IGBP1C: variants seen among roughly 807,000 people sequenced by gnomAD.
The protein encoded by IGBP1C is IGBP1 family member C, also known as immunoglobulin-binding protein 1 family member C.
chr17:58,662,916 G>A, the IGBP1C span, among the ~76,000 whole-genome samples: 21,959 of 151,526 alleles, frequency 0.14, 2,464 homozygotes, highest in East Asian at 0.31. Context: ...TCAGGAGATC[G>A]AGACCATGGT....
chr17:58,685,757 T>G, the IGBP1C span, among the ~76,000 whole-genome samples: 1 of 151,090 alleles, frequency 6.6e-6, no homozygotes, highest in African/African-American at 2.4e-5. Flanking sequence ...TTTGGGAGGC[T>G]GAGGTGGGTG....
At chr17:58,664,792 A>G in the IGBP1C span, among the ~76,000 whole-genome samples, 3 of 152,236 alleles carry the variant, frequency 2.0e-5, no homozygotes, top group African/African-American at 7.2e-5. Flanking sequence ...ATTATTATAT[A>G]TGACATTTTC....
chr17:58,667,957 C>A, the IGBP1C span, among the ~76,000 whole-genome samples: 2 of 151,594 alleles, frequency 1.3e-5, no homozygotes, highest in Non-Finnish European at 1.5e-5. Flanking sequence ...GGCTTCTGAA[C>A]CTTCTCATAG....
the IGBP1C span, among the ~76,000 whole-genome samples, chr17:58,679,020 G>A: frequency 6.6e-6 from 1 of 151,894 alleles, no homozygotes; most frequent in Non-Finnish European, 1.5e-5. Context: ...AAGGCGTGGT[G>A]GCGTGTGCCT....
the IGBP1C span, among the ~76,000 whole-genome samples, chr17:58,678,089 G>T: frequency 1.1e-3 from 161 of 152,320 alleles, 1 homozygote; most frequent in African/African-American, 3.7e-3. Context: ...GGCAGAGGTT[G>T]CAGTGAGCAG....
the IGBP1C span, among the ~76,000 whole-genome samples, chr17:58,690,979 G>C: frequency 6.6e-6 from 1 of 152,208 alleles, no homozygotes; most frequent in Admixed American, 6.5e-5. Context: ...ACAGACTTCT[G>C]AGTAGCTGGG....
At chr17:58,683,842 G>A in the IGBP1C span, among the ~76,000 whole-genome samples, 2 of 151,450 alleles carry the variant, frequency 1.3e-5, no homozygotes, top group Non-Finnish European at 2.9e-5. Context: ...TGAGGCGGGC[G>A]GATCACAAGG....
the IGBP1C span, among the ~76,000 whole-genome samples, chr17:58,685,476 G>T: frequency 6.6e-6 from 1 of 151,292 alleles, no homozygotes; most frequent in Non-Finnish European, 1.5e-5. Flanking sequence ...CAGATAAATA[G>T]TAGTTAATTA....
At chr17:58,688,193 T>C in the IGBP1C span, among the ~76,000 whole-genome samples, 1 of 152,250 alleles carries the variant, frequency 6.6e-6, no homozygotes, top group African/African-American at 2.4e-5. Context: ...TAATATCGGC[T>C]CACTGCAATC....
the IGBP1C span, among the ~76,000 whole-genome samples, chr17:58,663,994 C>T: frequency 2.0e-4 from 31 of 152,326 alleles, no homozygotes; most frequent in African/African-American, 7.2e-4. Flanking sequence ...TGTTGTGCCA[C>T]TGCACTCCAG....
At chr17:58,666,573 A>G in the IGBP1C span, 1 of 151,958 alleles carries the variant, frequency 6.6e-6, no homozygotes, top group African/African-American at 2.4e-5. Flanking sequence ...CGCTACCACA[A>G]ATTATACACT....
the IGBP1C span, among the ~76,000 whole-genome samples, chr17:58,668,322 G>A: frequency 6.6e-6 from 1 of 152,154 alleles, no homozygotes; most frequent in Non-Finnish European, 1.5e-5. Flanking sequence ...TGATGGTCCT[G>A]AACAAAGTCA....
chr17:58,673,450 T>TC, the IGBP1C span, among the ~76,000 whole-genome samples: 1 of 150,302 alleles, frequency 6.7e-6, no homozygotes, highest in Non-Finnish European at 1.5e-5. Context: ...GCCACTGCAC[T>TC]CCAGCCTACA....
the IGBP1C span, among the ~76,000 whole-genome samples, chr17:58,678,266 G>A: frequency 6.6e-6 from 1 of 152,182 alleles, no homozygotes; most frequent in Non-Finnish European, 1.5e-5. Context: ...AGACAGTGTG[G>A]CGATTCCTCA....
At chr17:58,671,461 G>T in the IGBP1C span, among the ~76,000 whole-genome samples, 1 of 152,068 alleles carries the variant, frequency 6.6e-6, no homozygotes, top group Non-Finnish European at 1.5e-5. Context: ...CTTTCTCTTG[G>T]GGAGGGGGCA....
the IGBP1C span, among the ~76,000 whole-genome samples, chr17:58,678,740 G>A: frequency 3.3e-5 from 5 of 151,398 alleles, no homozygotes; most frequent in African/African-American, 1.2e-4. Context: ...GAGTTAATGG[G>A]TGCAGCAAAC....
chr17:58,691,379 G>T, the IGBP1C span, among the ~76,000 whole-genome samples: 4 of 151,672 alleles, frequency 2.6e-5, no homozygotes, highest in East Asian at 7.8e-4. Context: ...AAGAATCATT[G>T]CCAACAGGGC....
the IGBP1C span, among the ~76,000 whole-genome samples, chr17:58,672,266 C>T: frequency 6.6e-6 from 1 of 152,138 alleles, no homozygotes; most frequent in Admixed American, 6.6e-5. Flanking sequence ...ATGCTCCTTC[C>T]AGGGGGTTGG....
At chr17:58,684,355 G>A in the IGBP1C span, among the ~76,000 whole-genome samples, 1 of 151,846 alleles carries the variant, frequency 6.6e-6, no homozygotes, top group Admixed American at 6.6e-5. Flanking sequence ...CCAGCTATCT[G>A]GGAGGCTGAT....
Sources: allele counts gnomAD v4.1 joint callset (sites outside exome capture counted in the v4.1 genomes callset), GRCh38; gene constraint gnomAD v4.1.1; transcripts MANE v1.5; gene names NCBI Gene and HGNC (gene_info 2026-07-23, HGNC 2026-07-21).